Variants in TLN2 observed in about 807,000 individuals in gnomAD.
TLN2 encodes the protein talin-2.
A neutral mutation model predicts 294.7 loss-of-function variants in TLN2; 118 were observed. That is an observed-to-expected ratio of 0.40 (90% CI 0.34 to 0.47). The LOEUF is 0.47. Ranked by LOEUF, TLN2 falls within the 20% of genes least tolerant of loss-of-function variation. TLN2 has a pLI of 0.84. For synonymous variants in TLN2, 1,431 were observed against 1,304.5 expected, an observed-to-expected ratio of 1.10 and a Z score of -2.09; for missense variants, 3,083 against 3,282.2, an observed-to-expected ratio of 0.94 and a Z score of 1.48.
At chr15:62,749,746 A>G (rs950517840) in intron 33 of TLN2, among the ~76,000 whole-genome samples, 1 of 152,228 alleles carries the variant, frequency 6.6e-6, no homozygotes, top group African/African-American at 2.4e-5. Context: ...AAAGTCCCTT[A>G]CAAGTGGTGA....
At chr15:62,441,722 T>C (rs554381439) in intron 1 of TLN2, among the ~76,000 whole-genome samples, 2 of 152,274 alleles carry the variant, frequency 1.3e-5, no homozygotes, top group East Asian at 3.9e-4. Flanking sequence ...CAGTCCCCAC[T>C]GCTGGGAAAG....
intron 1 of TLN2, among the ~76,000 whole-genome samples, chr15:62,499,522 G>A (rs534105555): frequency 6.6e-6 from 1 of 152,186 alleles, no homozygotes; most frequent in East Asian, 1.9e-4. Context: ...TTTTAAAACT[G>A]AGGGGAAAGG....
At chr15:62,481,835 T>C (rs1261679760) in intron 1 of TLN2, among the ~76,000 whole-genome samples, 2 of 148,166 alleles carry the variant, frequency 1.3e-5, no homozygotes, top group African/African-American at 2.5e-5. Flanking sequence ...TCTCTCTCTC[T>C]TGCCAGGCTG....
intron 45 of TLN2, among the ~76,000 whole-genome samples, chr15:62,786,476 C>T (rs1255518717): frequency 6.6e-6 from 1 of 152,098 alleles, no homozygotes; most frequent in Middle Eastern, 3.2e-3. Context: ...TAAAAGCCTC[C>T]AGCAGCTTTG....
intron 1 of TLN2, among the ~76,000 whole-genome samples, chr15:62,578,583 ACCC>A: frequency 6.6e-6 from 1 of 151,756 alleles, no homozygotes; most frequent in East Asian, 1.9e-4. Context: ...ACAAACAAAA[ACCC>A]CCATCTCCTG....
chr15:62,461,089 C>T (rs1165984326), intron 1 of TLN2, among the ~76,000 whole-genome samples: 1 of 152,158 alleles, frequency 6.6e-6, no homozygotes, highest in African/African-American at 2.4e-5. Context: ...GCAGGGACTA[C>T]AGGCACACGC....
At chr15:62,745,321 A>G (rs2061553568) in intron 32 of TLN2, among the ~76,000 whole-genome samples, 1 of 152,124 alleles carries the variant, frequency 6.6e-6, no homozygotes, top group Non-Finnish European at 1.5e-5. Flanking sequence ...TGATCACTAA[A>G]AAAAGATGGT....
chr15:62,404,591 T>C (rs1389959631), intron 1 of TLN2, among the ~76,000 whole-genome samples: 1 of 152,194 alleles, frequency 6.6e-6, no homozygotes, highest in African/African-American at 2.4e-5. Flanking sequence ...TTTCTTCATT[T>C]GCATTGCTTC....
rs1243990509 is a variant in TLN2, at chr15:62,739,614, G to A, written c.3885+69G>A. 5 of 1,561,312 alleles carry A rather than the reference G, an allele frequency of 3.2e-6. No individual in the cohort carries two copies. The South Asian group carries it at 3.5e-5, about 11-fold the overall frequency. ...TCTCGGATGGATAATCCATCCTTGA[G>A]ACTGACTGAACAAATAGGAAAAGGA... On this transcript the variant is annotated intron_variant, in intron 31 of 58. Transcript: ENST00000636159.
chr15:62,633,897 G>GGGAA (rs1368754329), intron 3 of TLN2, among the ~76,000 whole-genome samples: 1 of 152,132 alleles, frequency 6.6e-6, no homozygotes, highest in African/African-American at 2.4e-5. Flanking sequence ...AAGGCTGTGA[G>GGGAA]GGAAGGATCT....
At chr15:62,826,024 T>C (rs187949642) in intron 54 of TLN2, among the ~76,000 whole-genome samples, 1,867 of 148,420 alleles carry the variant, frequency 0.013, 44 homozygotes, top group African/African-American at 0.044. Flanking sequence ...AGACTCGGTC[T>C]CAAAAACATA....
chr15:62,664,616 T>A (rs2054310964), intron 9 of TLN2, among the ~76,000 whole-genome samples: 1 of 151,866 alleles, frequency 6.6e-6, no homozygotes, highest in African/African-American at 2.4e-5. Context: ...CCCAGCACTT[T>A]GGGAGGCCGA....
intron 52 of TLN2, among the ~76,000 whole-genome samples, chr15:62,812,965 C>T (rs1398692882): frequency 4.6e-5 from 7 of 152,148 alleles, no homozygotes; most frequent in Non-Finnish European, 5.9e-5. Context: ...TGATGGTAAA[C>T]GGCAGCTTTT....
chr15:62,715,082 T>G (rs2059681394), intron 22 of TLN2, among the ~76,000 whole-genome samples: 1 of 152,244 alleles, frequency 6.6e-6, no homozygotes, highest in Non-Finnish European at 1.5e-5. Context: ...TAAAAATGTT[T>G]CATTGCTAGA....
intron 1 of TLN2, among the ~76,000 whole-genome samples, chr15:62,483,176 T>A (rs755986726): frequency 6.6e-6 from 1 of 152,204 alleles, no homozygotes; most frequent in Non-Finnish European, 1.5e-5. Flanking sequence ...CCAATGTTGG[T>A]AGGAAGCACA....
At chr15:62,716,299 A>G (rs1444312836) in intron 22 of TLN2, 32 bp from the exon 23 acceptor site, 5 of 1,554,594 alleles carry the variant, frequency 3.2e-6, no homozygotes, top group Non-Finnish European at 4.3e-6. Flanking sequence ...CTCCTGCTGG[A>G]CCACTTGAAA....
At chr15:62,743,825 G>T in intron 32 of TLN2, among the ~76,000 whole-genome samples, 2 of 152,258 alleles carry the variant, frequency 1.3e-5, no homozygotes, top group East Asian at 3.9e-4. Flanking sequence ...TAAGCCCACA[G>T]CGGCCAGCAT....
At chr15:62,592,815 A>G (rs1392349794) in intron 2 of TLN2, among the ~76,000 whole-genome samples, 2 of 152,218 alleles carry the variant, frequency 1.3e-5, no homozygotes, top group African/African-American at 4.8e-5. Flanking sequence ...AAAGAGTTAC[A>G]TGCATTCATG....
At chr15:62,827,893 T>C (rs1596155462) in intron 54 of TLN2, 1 of 152,208 alleles carries the variant, frequency 6.6e-6, no homozygotes, top group Non-Finnish European at 1.5e-5. Flanking sequence ...GCTTAGAAGA[T>C]GAATGAATTA....
Sources: allele counts gnomAD v4.1 joint callset (sites outside exome capture counted in the v4.1 genomes callset), GRCh38; gene constraint gnomAD v4.1.1; transcripts MANE v1.5; gene names NCBI Gene and HGNC (gene_info 2026-07-23, HGNC 2026-07-21).